Variants in LHFPL3 observed in about 807,000 individuals in gnomAD.
The protein encoded by LHFPL3 is LHFPL tetraspan subfamily member 3.
LHFPL3 carries 5 observed loss-of-function variants against 19.3 expected under a neutral mutation model. The ratio of observed to expected loss-of-function variants is 0.26; its 90% CI spans 0.14 to 0.54. The LOEUF (loss-of-function observed/expected upper bound fraction) is 0.54, where lower values mean the gene tolerates loss of function less well. Ranked by LOEUF, LHFPL3 falls within the 20% of genes least tolerant of loss-of-function variation. The pLI is 0.94. For synonymous variants in LHFPL3, 133 were observed against 126.2 expected (o/e 1.05, Z -0.36); for missense variants, 249 against 307.4 (o/e 0.81, Z 1.42).
intron 1 of LHFPL3, among the ~76,000 whole-genome samples, chr7:104,642,156 G>A (rs1791849399): frequency 6.7e-6 from 1 of 149,070 alleles, no homozygotes; most frequent in African/African-American, 2.5e-5. Context: ...TCATGCCTCA[G>A]CCTCCCAAAT....
intron 1 of LHFPL3, among the ~76,000 whole-genome samples, chr7:104,568,583 T>G (rs1790166476): frequency 6.6e-6 from 1 of 152,186 alleles, no homozygotes. Flanking sequence ...TCCCAGAAAG[T>G]CCAATGCAGC....
intron 1 of LHFPL3, among the ~76,000 whole-genome samples, chr7:104,651,721 T>G (rs1161665931): frequency 6.6e-6 from 1 of 152,232 alleles, no homozygotes; most frequent in Non-Finnish European, 1.5e-5. Flanking sequence ...CTTCTATGCC[T>G]CCAGCTTATA....
At chr7:104,474,850 G>C (rs1193208506) in intron 1 of LHFPL3, among the ~76,000 whole-genome samples, 1 of 152,126 alleles carries the variant, frequency 6.6e-6, no homozygotes, top group African/African-American at 2.4e-5. Flanking sequence ...GTTCTTCTTA[G>C]TGAAGGGTAT....
chr7:104,523,668 C>T (rs1478378700), intron 1 of LHFPL3, among the ~76,000 whole-genome samples: 1 of 152,152 alleles, frequency 6.6e-6, no homozygotes, highest in Non-Finnish European at 1.5e-5. Flanking sequence ...ATGCACATGC[C>T]TCACTAGCCA....
chr7:104,653,138 A>G (rs963858370), intron 1 of LHFPL3, among the ~76,000 whole-genome samples: 6 of 152,178 alleles, frequency 3.9e-5, no homozygotes, highest in African/African-American at 1.4e-4. Context: ...ATTAAAAACC[A>G]TGCTACAGTT....
chr7:104,554,291 T>C (rs1794716798), intron 1 of LHFPL3, among the ~76,000 whole-genome samples: 1 of 152,116 alleles, frequency 6.6e-6, no homozygotes, highest in Non-Finnish European at 1.5e-5. Flanking sequence ...AATGTTATAA[T>C]TATTTTCATT....
At chr7:104,477,616 G>T (rs1026651368) in intron 1 of LHFPL3, among the ~76,000 whole-genome samples, 2 of 152,062 alleles carry the variant, frequency 1.3e-5, no homozygotes, top group African/African-American at 4.8e-5. Context: ...GGTGAAAGGA[G>T]GGAGAGAATC....
chr7:104,329,290 A>G, intron 1 of LHFPL3, 66 bp downstream of exon 1: 1 of 1,522,694 alleles, frequency 6.6e-7, no homozygotes, highest in Non-Finnish European at 8.8e-7. Context: ...GAGGGGCCAG[A>G]GTGGGAGGGA....
chr7:104,790,362 G>A (rs1264316191), intron 2 of LHFPL3, among the ~76,000 whole-genome samples: 1 of 152,124 alleles, frequency 6.6e-6, no homozygotes, highest in African/African-American at 2.4e-5. Flanking sequence ...CTCTCCCATA[G>A]ACAGAGCCTG....
chr7:104,738,652 T>C (rs1029288101), intron 2 of LHFPL3: 3 of 152,146 alleles, frequency 2.0e-5, no homozygotes, highest in Non-Finnish European at 2.9e-5. Context: ...CTCATACTCA[T>C]GTATGAGTGA....
chr7:104,874,165 A>G (rs1791889848), intron 2 of LHFPL3, among the ~76,000 whole-genome samples: 1 of 152,230 alleles, frequency 6.6e-6, no homozygotes, highest in Non-Finnish European at 1.5e-5. Flanking sequence ...AGAATGTTCA[A>G]AATATTAACC....
intron 1 of LHFPL3, among the ~76,000 whole-genome samples, chr7:104,367,029 A>C (rs1259764394): frequency 6.6e-6 from 1 of 152,170 alleles, no homozygotes; most frequent in Non-Finnish European, 1.5e-5. Flanking sequence ...GTCCTGAAGC[A>C]TGTTTTCTAA....
At chr7:104,462,709 G>A (rs1307626737) in intron 1 of LHFPL3, among the ~76,000 whole-genome samples, 2 of 152,118 alleles carry the variant, frequency 1.3e-5, no homozygotes, top group Non-Finnish European at 2.9e-5. Flanking sequence ...CTTTTTCTGT[G>A]TATGTTTCTG....
chr7:104,454,104 G>A (rs2116606854), intron 1 of LHFPL3, among the ~76,000 whole-genome samples: 1 of 152,216 alleles, frequency 6.6e-6, no homozygotes, highest in South Asian at 2.1e-4. Flanking sequence ...TTTGGGAACG[G>A]TAATACCATT....
At chr7:104,576,979 C>T (rs1790350311) in intron 1 of LHFPL3, among the ~76,000 whole-genome samples, 1 of 152,178 alleles carries the variant, frequency 6.6e-6, no homozygotes, top group Admixed American at 6.5e-5. Flanking sequence ...GCCTTGGGCT[C>T]TATCTCCATT....
chr7:104,701,892 G>A (rs2116177387), intron 1 of LHFPL3, among the ~76,000 whole-genome samples: 1 of 152,022 alleles, frequency 6.6e-6, no homozygotes. Flanking sequence ...TATACTTTAA[G>A]TTCTGGGATA....
At chr7:104,381,218 G>C (rs1790821866) in intron 1 of LHFPL3, among the ~76,000 whole-genome samples, 1 of 152,130 alleles carries the variant, frequency 6.6e-6, no homozygotes, top group Admixed American at 6.6e-5. Flanking sequence ...CTATTCTTCT[G>C]TGTACTAACC....
intron 1 of LHFPL3, among the ~76,000 whole-genome samples, chr7:104,511,652 T>A (rs1035005016): frequency 6.6e-6 from 1 of 152,108 alleles, no homozygotes; most frequent in Non-Finnish European, 1.5e-5. Flanking sequence ...AGGAGCAAAT[T>A]GTTGATACAT....
chr7:104,572,383 A>G (rs1790246256), intron 1 of LHFPL3, among the ~76,000 whole-genome samples: 1 of 152,188 alleles, frequency 6.6e-6, no homozygotes, highest in African/African-American at 2.4e-5. Flanking sequence ...GAGGTAAATG[A>G]TCAAGTCTGT....
Sources: allele counts gnomAD v4.1 joint callset (sites outside exome capture counted in the v4.1 genomes callset), GRCh38; gene constraint gnomAD v4.1.1; transcripts MANE v1.5; gene names NCBI Gene and HGNC (gene_info 2026-07-23, HGNC 2026-07-21).